The following CCSER1 variants were observed in gnomAD, a reference collection of about 807,000 sequenced individuals.
The protein encoded by CCSER1 is coiled-coil serine rich protein 1.
In CCSER1, 41 loss-of-function variants were observed where a neutral mutation model predicts 82.0. The ratio of observed to expected loss-of-function variants is 0.50; its 90% CI spans 0.39 to 0.65. CCSER1 has a LOEUF of 0.65. Among genes scored for constraint, CCSER1 ranks in the 30% least tolerant of loss-of-function variants. The pLI is 0.00. For missense variants in CCSER1, 1,119 were observed against 1,064.2 expected (o/e 1.05, Z -0.72); for synonymous variants, 414 against 383.9 (o/e 1.08, Z -0.92).
At chr4:91,455,129 G>T (rs1020629846) in intron 10 of CCSER1, among the ~76,000 whole-genome samples, 8 of 152,038 alleles carry the variant, frequency 5.3e-5, no homozygotes, top group Admixed American at 2.0e-4. Context: ...ATTTCATGGA[G>T]GGAAAGAGAG....
chr4:90,958,916 A>G (rs1733787698), intron 9 of CCSER1, among the ~76,000 whole-genome samples: 1 of 152,178 alleles, frequency 6.6e-6, no homozygotes, highest in Non-Finnish European at 1.5e-5. Context: ...TGTTTAGATT[A>G]TTAGAGTATA....
chr4:91,277,018 G>A (rs1266570178), intron 10 of CCSER1, among the ~76,000 whole-genome samples: 1 of 152,020 alleles, frequency 6.6e-6, no homozygotes, highest in African/African-American at 2.4e-5. Flanking sequence ...TGATCATGGT[G>A]TATTATATTT....
At chr4:90,914,374 C>G (rs1726944748) in intron 8 of CCSER1, among the ~76,000 whole-genome samples, 1 of 152,148 alleles carries the variant, frequency 6.6e-6, no homozygotes, top group South Asian at 2.1e-4. Context: ...GGAAACTGAA[C>G]AACCTGCTCC....
chr4:90,792,410 T>C (rs1032398672), intron 7 of CCSER1, among the ~76,000 whole-genome samples: 1 of 152,200 alleles, frequency 6.6e-6, no homozygotes, highest in African/African-American at 2.4e-5. Context: ...CTCTTTTTTA[T>C]CTAAAAACTG....
intron 10 of CCSER1, among the ~76,000 whole-genome samples, chr4:91,163,841 G>A (rs1731725946): frequency 6.6e-6 from 1 of 152,012 alleles, no homozygotes; most frequent in Admixed American, 6.6e-5. Context: ...AAGTGAGATG[G>A]GTTTCCTGAA....
intron 5 of CCSER1, among the ~76,000 whole-genome samples, chr4:90,615,508 C>G (rs1239105359): frequency 6.6e-6 from 1 of 152,024 alleles, no homozygotes; most frequent in East Asian, 1.9e-4. Context: ...TTCCAGCCCT[C>G]ATGGATGACT....
intron 3 of CCSER1, among the ~76,000 whole-genome samples, chr4:90,388,938 A>G (rs186669166): frequency 2.0e-5 from 3 of 152,188 alleles, no homozygotes; most frequent in African/African-American, 7.2e-5. Context: ...ACCTGGCCCT[A>G]TGATAAATAT....
At chr4:91,110,500 A>G (rs1726007514) in intron 10 of CCSER1, among the ~76,000 whole-genome samples, 3 of 152,028 alleles carry the variant, frequency 2.0e-5, no homozygotes, top group African/African-American at 7.2e-5. Flanking sequence ...CCACTTACTC[A>G]ACACCACATC....
chr4:91,023,459 A>G (rs1003344331), intron 9 of CCSER1, among the ~76,000 whole-genome samples: 1 of 152,196 alleles, frequency 6.6e-6, no homozygotes, highest in Non-Finnish European at 1.5e-5. Context: ...CAAAACAGAG[A>G]TATAGATCAA....
At position 91,170,695 on chromosome 4, in the gene CCSER1, C is replaced by T. The variant is rs17018152; in HGVS notation, c.2217+84701C>T. 6.9e-3 allele frequency among the ~76,000 whole-genome samples: 1,055 copies of T among 152,046 alleles called. 2 individuals are homozygous for T. Among genetic ancestry groups the T allele is most frequent in the African/African-American group, 0.015 (619 of 41,472 alleles). On this transcript the variant is annotated intron_variant, in intron 10 of 10. Transcript: ENST00000509176. ...AAACTCATTGTATAAGATTACACAC[C>T]CACTATATTATCCATAAATGACCTT... is the stretch of plus-strand genomic sequence containing the variant.
At chr4:91,333,313 T>C (rs757317094) in intron 10 of CCSER1, among the ~76,000 whole-genome samples, 2 of 152,058 alleles carry the variant, frequency 1.3e-5, no homozygotes, top group South Asian at 2.1e-4. Flanking sequence ...GTAAGTTGCT[T>C]CTAGATTTGC....
At chr4:91,252,890 A>C (rs773053231) in intron 10 of CCSER1, among the ~76,000 whole-genome samples, 2 of 152,206 alleles carry the variant, frequency 1.3e-5, no homozygotes, top group Non-Finnish European at 2.9e-5. Flanking sequence ...AGGGACAAGT[A>C]AGCATAAGGC....
rs183549432 is a variant in CCSER1, at chr4:91,119,916, G to T, written c.2217+33922G>T. Among the ~76,000 whole-genome samples the T allele has an allele frequency of 2.0e-5, 3 of 151,928 alleles. No homozygotes were observed. The East Asian group carries it at 5.8e-4, about 29-fold the overall frequency. On this transcript the variant is annotated intron_variant, in intron 10 of 10. Transcript: ENST00000509176. ...AGTTAGGAAGATTTGCCATGGATGG[G>T]GACAGTTTGGAAAAGTGGAGGGTTT...
chr4:91,527,049 ATAAAG>A (rs10572570), intron 10 of CCSER1, among the ~76,000 whole-genome samples: 81,588 of 151,646 alleles, frequency 0.54, 22,154 homozygotes, highest in East Asian at 0.61. Flanking sequence ...ATAGAATTAA[ATAAAG>A]TAAAGTATAA....
intron 10 of CCSER1, among the ~76,000 whole-genome samples, chr4:91,500,081 A>G (rs1257276477): frequency 6.6e-6 from 1 of 152,056 alleles, no homozygotes; most frequent in East Asian, 1.9e-4. Flanking sequence ...GCCATTTTGT[A>G]TTTACACCAG....
At chr4:90,351,545 CA>C (rs56730436) in intron 3 of CCSER1, among the ~76,000 whole-genome samples, 1 of 151,468 alleles carries the variant, frequency 6.6e-6, no homozygotes, top group Non-Finnish European at 1.5e-5. Flanking sequence ...CTTATAATAA[CA>C]AAAATTTTTT....
chr4:90,866,753 T>A (rs148000363), intron 8 of CCSER1, among the ~76,000 whole-genome samples: 2,356 of 152,136 alleles, frequency 0.015, 44 homozygotes, highest in African/African-American at 0.049. Flanking sequence ...GGGACTGGTT[T>A]TGTGGAAGAC....
chr4:90,767,311 T>G (rs1751397330), intron 7 of CCSER1, among the ~76,000 whole-genome samples: 1 of 152,136 alleles, frequency 6.6e-6, no homozygotes, highest in East Asian at 1.9e-4. Context: ...GAGCAATTTT[T>G]TTTTTCATGA....
intron 9 of CCSER1, among the ~76,000 whole-genome samples, chr4:90,999,499 T>C (rs1029579749): frequency 6.6e-6 from 1 of 152,242 alleles, no homozygotes; most frequent in African/African-American, 2.4e-5. Flanking sequence ...GAACATTCTT[T>C]TATACATTTG....
Sources: allele counts gnomAD v4.1 joint callset (sites outside exome capture counted in the v4.1 genomes callset), GRCh38; gene constraint gnomAD v4.1.1; transcripts MANE v1.5; gene names NCBI Gene and HGNC (gene_info 2026-07-23, HGNC 2026-07-21).